Variants in STARD3 observed in about 807,000 individuals in gnomAD.
The protein encoded by STARD3 is StAR related lipid transfer domain containing 3.
Under a neutral mutation model 62.0 loss-of-function variants are expected in STARD3, and 39 were observed. The observed-to-expected ratio is 0.63, with a 90% CI of 0.49 to 0.82. The LOEUF (loss-of-function observed/expected upper bound fraction) is 0.82, where lower values mean the gene tolerates loss of function less well. Ranked by LOEUF, STARD3 falls within the 40% of genes least tolerant of loss-of-function variation. The pLI, the probability that STARD3 is intolerant of heterozygous loss-of-function variation, is 0.00. For missense variants in STARD3, 543 were observed against 584.5 expected, an observed-to-expected ratio of 0.93 and a Z score of 0.73; for synonymous variants, 229 against 242.4, an observed-to-expected ratio of 0.94 and a Z score of 0.51.
chr17:39,646,640 G>A (rs1459653052), intron 1 of STARD3, among the ~76,000 whole-genome samples: 1 of 152,196 alleles, frequency 6.6e-6, no homozygotes, highest in Non-Finnish European at 1.5e-5. Flanking sequence ...GAAGGGGACA[G>A]TCTGAGATTT....
Position 39,660,739 on chromosome 17 carries a change from C to A in STARD3, c.955-71C>A. The A allele has an allele frequency of 6.6e-7, 1 of 1,518,146 alleles. No homozygotes were observed. The allele number at this position is 1,518,146 out of a possible 1,614,324, so 94.0% of individuals were successfully genotyped here. A position where few individuals can be genotyped will look rare whatever the true frequency, so the allele number is the denominator to read the frequency against. On this transcript the variant is annotated intron_variant, in intron 11 of 14. Coordinates refer to ENST00000336308, the MANE Select transcript of STARD3 (RefSeq NM_006804.4). The surrounding 1 kb of genome is among the most constrained non-coding windows in gnomAD (Gnocchi z 4.8). ...GTGGCAATAGCAGTTAGTAAAGGGGCCTGGGGTGTTCCCATCCCTGGGGTT... is the reference window on the plus strand; with the variant it reads ...GTGGCAATAGCAGTTAGTAAAGGGGACTGGGGTGTTCCCATCCCTGGGGTT...
chr17:39,650,047 T>TA (rs925449312), intron 1 of STARD3, among the ~76,000 whole-genome samples: 7 of 151,002 alleles, frequency 4.6e-5, no homozygotes, highest in Non-Finnish European at 7.4e-5. Context: ...CCCCATCTCT[T>TA]AAAAAAAAAG....
intron 1 of STARD3, among the ~76,000 whole-genome samples, chr17:39,639,777 G>A (rs1182885933): frequency 6.6e-6 from 1 of 152,244 alleles, no homozygotes; most frequent in East Asian, 1.9e-4. Flanking sequence ...CATTGTGCAT[G>A]CCTTTGGGCT....
intron 2 of STARD3, among the ~76,000 whole-genome samples, chr17:39,653,998 C>T (rs1243307479): frequency 2.0e-5 from 3 of 152,238 alleles, no homozygotes; most frequent in Non-Finnish European, 2.9e-5. Flanking sequence ...TGAACCTACC[C>T]TCCAGCTGAG....
intron 1 of STARD3, chr17:39,652,659 G>C (rs2057089005): frequency 1.3e-5 from 2 of 152,940 alleles, no homozygotes; most frequent in African/African-American, 4.8e-5. Context: ...AAAAAGGCCA[G>C]AGTGGCGGTG....
intron 1 of STARD3, among the ~76,000 whole-genome samples, chr17:39,642,721 A>AG (rs966114323): frequency 3.3e-5 from 5 of 152,144 alleles, no homozygotes; most frequent in African/African-American, 1.2e-4. Flanking sequence ...CAGCAGGGTA[A>AG]GGGATGGAGG....
At chr17:39,651,454 T>C (rs75397452) in intron 1 of STARD3, among the ~76,000 whole-genome samples, 10,255 of 152,232 alleles carry the variant, frequency 0.067, 477 homozygotes, top group African/African-American at 0.12. Context: ...GACCCCAAAC[T>C]ACTCCCTGGT....
chr17:39,663,507 G>C lies in STARD3; in HGVS notation c.*599G>C, dbSNP rs1368894391. On this transcript the variant is annotated 3_prime_UTR_variant, in exon 15 of 15. Coordinates refer to ENST00000336308, the MANE Select transcript of STARD3 (RefSeq NM_006804.4). ...AAATTCCAGCCCCTCCCACTGCCTT[G>C]CCTCTTGAGGGAAGAGAAAGGCAGG... 2.6e-5 allele frequency: 4 copies of C among 153,384 alleles called. No individual in the cohort carries two copies. In the East Asian group the frequency reaches 7.6e-4, roughly 29 times the overall value. 9.5% of individuals were successfully genotyped at this position (153,384 alleles called of 1,614,324 possible).
chr17:39,653,497 G>C lies in STARD3; in HGVS notation c.-35G>C, dbSNP rs201782167. ...CGCCCCCAGCCCTGCTGCTGAGGCCGCGCCCTCCCCGCCCTGAGGTGGGGG... is the reference window on the plus strand; with the variant it reads ...CGCCCCCAGCCCTGCTGCTGAGGCCCCGCCCTCCCCGCCCTGAGGTGGGGG... On this transcript the variant is annotated 5_prime_UTR_variant, in exon 2 of 15. Coordinates refer to ENST00000336308, the MANE Select transcript of STARD3 (RefSeq NM_006804.4). The C allele has an allele frequency of 8.2e-4, 1,307 of 1,593,786 alleles. 10 individuals are homozygous for C. In the African/African-American group the frequency reaches 0.016, roughly 19 times the overall value.
At chr17:39,651,905 C>T (rs2144968173) in intron 1 of STARD3, 1 of 152,338 alleles carries the variant, frequency 6.6e-6, no homozygotes, top group South Asian at 2.1e-4. Context: ...CCTTCTCACC[C>T]AAGGGACGGG....
intron 1 of STARD3, among the ~76,000 whole-genome samples, chr17:39,646,737 A>G (rs1039421896): frequency 2.0e-5 from 3 of 152,120 alleles, no homozygotes; most frequent in Non-Finnish European, 4.4e-5. Context: ...CCAAAACCCT[A>G]TTACAAGTGG....
In STARD3 at chr17:39,663,303, C is replaced by A. The variant is rs564132200; in HGVS notation, c.*395C>A. 5.7e-4 allele frequency: 220 copies of A among 385,446 alleles called. No homozygotes were observed. Among genetic ancestry groups the A allele is most frequent in the African/African-American group, 4.2e-3 (204 of 48,430 alleles). 23.9% of individuals were successfully genotyped at this position (385,446 alleles called of 1,614,324 possible). On this transcript the variant is annotated 3_prime_UTR_variant, in exon 15 of 15. Transcript: ENST00000336308. Reference sequence around the variant, plus strand: ...GGGGCTCTTCATCTGCCTGCGCTCTCGTCGGTTTTTTTAGGATTATTGAAA... The same window carrying A: ...GGGGCTCTTCATCTGCCTGCGCTCTAGTCGGTTTTTTTAGGATTATTGAAA...
chr17:39,653,583 G>C lies in STARD3; in HGVS notation c.52G>C (p.Ala18Pro). ...CCGAGACTTGGAGCGCAGCCTGCCT[G>C]CCGTGGCCTCCCTGGGCTCCTCACT... ...LTRDLERSLP[A>P]VASLGSSLSH... Residue 18 changes from alanine to proline, a missense_variant, in exon 2 of 15, where the codon GCC (alanine) becomes CCC (proline). Coordinates refer to ENST00000336308, the MANE Select transcript of STARD3 (RefSeq NM_006804.4). 6.2e-7 allele frequency: 1 copy of C among 1,610,614 alleles called. No individual in the cohort carries two copies. The highest frequency in any genetic ancestry group is 1.1e-5 in the South Asian group (1 of 91,078).
At chr17:39,657,717 T>C in intron 3 of STARD3, 58 bp from the exon 4 acceptor site, 11 of 1,602,840 alleles carry the variant, frequency 6.9e-6, no homozygotes, top group African/African-American at 1.3e-5. Context: ...GAGGTCAGCC[T>C]GCAGCAGGGT....
intron 1 of STARD3, among the ~76,000 whole-genome samples, chr17:39,638,067 C>G (rs1386374960): frequency 6.6e-6 from 1 of 152,226 alleles, no homozygotes; most frequent in African/African-American, 2.4e-5. Context: ...AATTCTTCCT[C>G]TACCCCAACC....
intron 1 of STARD3, among the ~76,000 whole-genome samples, chr17:39,648,802 C>G (rs780923942): frequency 1.6e-4 from 25 of 152,212 alleles, no homozygotes; most frequent in African/African-American, 5.5e-4. Flanking sequence ...TGCTCTAGCC[C>G]CATCTGCGTC....
chr17:39,656,224 T>C (rs2144999171), intron 2 of STARD3, among the ~76,000 whole-genome samples: 1 of 152,270 alleles, frequency 6.6e-6, no homozygotes, highest in East Asian at 1.9e-4. Context: ...GTGAGGGGTC[T>C]TCCTCTCCAG....
At position 39,658,615 on chromosome 17, in the gene STARD3, G is replaced by A. The variant is rs368040925; in HGVS notation, c.547+93G>A. ...CATGAGAGTCAGTCTGAAGCATCTCGCCACCTCTGAGCAGCCTCCAGTAGC... is the reference window on the plus strand; with the variant it reads ...CATGAGAGTCAGTCTGAAGCATCTCACCACCTCTGAGCAGCCTCCAGTAGC... On this transcript the variant is annotated intron_variant, in intron 6 of 14. Coordinates refer to ENST00000336308, the MANE Select transcript of STARD3 (RefSeq NM_006804.4). 269 of 1,567,224 alleles carry A rather than the reference G, an allele frequency of 1.7e-4. 2 individuals are homozygous for A. In the Middle Eastern group the frequency reaches 3.1e-3, roughly 18 times the overall value.
chr17:39,662,536 C>G (rs1377971572), intron 14 of STARD3, 192 bp downstream of exon 14: 1 of 650,258 alleles, frequency 1.5e-6, no homozygotes, highest in East Asian at 2.8e-5. Context: ...GGGCATGTGC[C>G]CCCCCTTCTT....
Sources: gnomAD v4.1 joint callset for allele counts (sites outside exome capture counted in the v4.1 genomes callset) on GRCh38, gnomAD v4.1.1 for gene constraint, Gnocchi (gnomAD v3.1) non-coding constraint, MANE v1.5 for transcripts, NCBI Gene and HGNC (gene_info 2026-07-23, HGNC 2026-07-21) for gene names.